TNNT2: variants seen among roughly 807,000 people sequenced by gnomAD.
The protein encoded by TNNT2 is troponin T2, cardiac type.
TNNT2 carries 34 observed loss-of-function variants against 62.4 expected under a neutral mutation model. That is an observed-to-expected ratio of 0.54 (90% CI 0.41 to 0.72). The LOEUF (loss-of-function observed/expected upper bound fraction) is 0.72. Ranked by LOEUF, TNNT2 falls within the 30% of genes least tolerant of loss-of-function variation. The pLI is 0.00. For synonymous variants in TNNT2, 123 were observed against 127.2 expected, an observed-to-expected ratio of 0.97 and a Z score of 0.22; for missense variants, 275 against 381.9, an observed-to-expected ratio of 0.72 and a Z score of 2.33.
rs765359025 is a variant in TNNT2 at position 201,365,199 on chromosome 1, C to G, written c.403G>C (p.Asp135His). The G allele has an allele frequency of 1.9e-6, 3 of 1,613,876 alleles. No individual in the cohort carries two copies. Among genetic ancestry groups the G allele is most frequent in the South Asian group, 1.1e-5 (1 of 91,076 alleles). ...KEEEELVSLK[D>H]RIERRRAERA... Reference sequence around the variant, plus strand: ...GCAGACTGGACACCTACGATCCTGTCTTTGAGAGAAACGAGCTCCTCCTCC... The same window carrying G: ...GCAGACTGGACACCTACGATCCTGTGTTTGAGAGAAACGAGCTCCTCCTCC... Residue 135 changes from aspartate to histidine, a missense_variant, in exon 10 of 17, where the codon GAC becomes CAC. By Grantham distance (81) the Asp-to-His change is moderately conservative. Transcript: ENST00000656932.
chr1:201,369,938 A>C (rs758432230), intron 4 of TNNT2, 93 bp from the exon 5 acceptor site: 492 of 1,434,836 alleles, frequency 3.4e-4, no homozygotes, highest in Non-Finnish European at 4.5e-4. Context: ...CACCCAGCGC[A>C]GTGGTTTTAA....
intron 8 of TNNT2, chr1:201,366,069 T>A: frequency 8.7e-7 from 1 of 1,148,546 alleles, no homozygotes; most frequent in Non-Finnish European, 1.1e-6. Context: ...GCCATGAACC[T>A]GGGAGTCTTG....
At chr1:201,359,690 A>G (rs759864879) in intron 15 of TNNT2, 27 bp from the exon 16 acceptor site, 3 of 1,575,872 alleles carry the variant, frequency 1.9e-6, no homozygotes, top group Non-Finnish European at 2.6e-6. Flanking sequence ...AAGGACAAAG[A>G]GCAACGCTGG....
At chr1:201,376,002 C>T (rs1291688401) in intron 1 of TNNT2, among the ~76,000 whole-genome samples, 1 of 152,234 alleles carries the variant, frequency 6.6e-6, no homozygotes, top group Non-Finnish European at 1.5e-5. Context: ...GGCTCAAAGG[C>T]AGGACCTGAT....
At chr1:201,363,795 G>T in intron 11 of TNNT2, 1 of 314,602 alleles carries the variant, frequency 3.2e-6, no homozygotes. Flanking sequence ...TCATAAGGAC[G>T]CAGGCATTTC....
Position 201,369,825 on chromosome 1 carries a change from C to T in TNNT2, c.88G>A (p.Asp30Asn), listed in dbSNP as rs1417651225. The T allele has an allele frequency of 3.7e-6, 6 of 1,614,114 alleles. No homozygotes were observed. The highest frequency in any genetic ancestry group is 5.1e-6 in the Non-Finnish European group (6 of 1,180,050). The change falls in exon 5 of 17, where the codon GAC becomes AAC. Residue 30 changes from aspartate to asparagine, a missense_variant. Coordinates refer to ENST00000656932, the MANE Select transcript of TNNT2 (RefSeq NM_001276345.2). ...GGAAAGGCTGTACTACCGTCTTCGT[C>T]CTCTCTCCAGTCCTCCTCTTCTGAG... The part of the protein sequence containing the change: ...AVEEEEDWRE[D>N]EDEQEEAAEE...
At chr1:201,374,123 T>C (rs1661049006) in intron 1 of TNNT2, 2 of 152,268 alleles carry the variant, frequency 1.3e-5, no homozygotes, top group South Asian at 2.1e-4. Flanking sequence ...AGATCATAGA[T>C]TGATTGTATT....
Position 201,368,186 on chromosome 1 carries a change from C to T in TNNT2, c.139G>A (p.Glu47Lys). The T allele has an allele frequency of 6.2e-7, 1 of 1,614,160 alleles. No individual in the cohort carries two copies. Among genetic ancestry groups the T allele is most frequent in the African/African-American group, 1.3e-5 (1 of 75,054 alleles). Residue 47 changes from glutamate (E) to lysine (K), a missense_variant, in exon 6 of 17, where the codon GAG (glutamate) becomes AAG (lysine). Physicochemically the swap from Glu to Lys is moderately conservative, Grantham distance 56. Coordinates refer to ENST00000656932, the MANE Select transcript of TNNT2 (RefSeq NM_001276345.2). ...AAEEDAEAEAETEETRAEEDE... is the reference protein window; with the variant it reads ...AAEEDAEAEAKTEETRAEEDE... Reference sequence around the variant, plus strand: ...CCTTCTGCCCTGGTCTCCTCGGTCTCAGCCTCTGCTTCAGCATCCTCTTCC... The same window carrying T: ...CCTTCTGCCCTGGTCTCCTCGGTCTTAGCCTCTGCTTCAGCATCCTCTTCC...
chr1:201,368,097 T>A (rs1350427209), intron 6 of TNNT2, 65 bp downstream of exon 6: 4 of 1,543,346 alleles, frequency 2.6e-6, no homozygotes, highest in Non-Finnish European at 2.7e-6. Flanking sequence ...TCTTACTGCC[T>A]CAGGAATGGC....
intron 5 of TNNT2, 174 bp from the exon 6 acceptor site, chr1:201,368,401 C>T (rs1022170015): frequency 2.8e-6 from 2 of 703,862 alleles, no homozygotes; most frequent in Non-Finnish European, 5.1e-6. Context: ...TTTTGACTGT[C>T]GGCTACCTCC....
intron 2 of TNNT2, 165 bp downstream of exon 2, chr1:201,373,049 G>A (rs532011586): frequency 1.6e-4 from 126 of 771,754 alleles, no homozygotes; most frequent in South Asian, 3.4e-4. Context: ...ACAACCCAGG[G>A]GTACAGGAGT....
intron 13 of TNNT2, 166 bp from the exon 14 acceptor site, chr1:201,362,188 A>AT: frequency 3.3e-6 from 4 of 1,203,366 alleles, no homozygotes; most frequent in Non-Finnish European, 2.4e-6. Flanking sequence ...TTCCCTAGGG[A>AT]AACTGAGGTA....
chr1:201,365,543 C>T, intron 9 of TNNT2, 67 bp downstream of exon 9: 1 of 1,558,208 alleles, frequency 6.4e-7, no homozygotes, highest in Non-Finnish European at 8.8e-7. Flanking sequence ...GTCACAAAAT[C>T]TCTGTCACTG....
intron 5 of TNNT2, chr1:201,368,499 C>T (rs1328456140): frequency 7.2e-6 from 4 of 553,666 alleles, no homozygotes; most frequent in African/African-American, 5.6e-5. Flanking sequence ...CCAGAAGTTC[C>T]ACCCCGTGTC....
chr1:201,377,040 G>A (rs1001073027), intron 1 of TNNT2, among the ~76,000 whole-genome samples: 4 of 152,192 alleles, frequency 2.6e-5, no homozygotes, highest in African/African-American at 9.7e-5. Context: ...CTGGAGAGGC[G>A]CTGCAGAGGA....
intron 4 of TNNT2, 29 bp from the exon 5 acceptor site, chr1:201,369,874 G>C: frequency 6.2e-7 from 1 of 1,614,108 alleles, no homozygotes; most frequent in African/African-American, 1.3e-5. Flanking sequence ...CCGCAGCGGA[G>C]GGGAAAAGCG....
chr1:201,359,816 G>A (rs1049410979), intron 15 of TNNT2, among the ~76,000 whole-genome samples, 153 bp from the exon 16 acceptor site: 1 of 152,132 alleles, frequency 6.6e-6, no homozygotes, highest in African/African-American at 2.4e-5. Context: ...ATAGTTAAGG[G>A]TCAGGAGGGG....
chr1:201,367,706 TCTC>T (rs914978199), intron 7 of TNNT2, 62 bp downstream of exon 7: 1 of 1,559,836 alleles, frequency 6.4e-7, no homozygotes, highest in Admixed American at 1.7e-5. Flanking sequence ...CTGTGGGCAT[TCTC>T]CTCCAAAGCT....
intron 13 of TNNT2, 30 bp downstream of exon 13, chr1:201,362,356 G>A: frequency 6.2e-7 from 1 of 1,613,450 alleles, no homozygotes; most frequent in Non-Finnish European, 8.5e-7. Context: ...ACTATGGGGA[G>A]GAAGAAGGCT....
Sources: gnomAD v4.1 joint callset for allele counts (sites outside exome capture counted in the v4.1 genomes callset) on GRCh38, gnomAD v4.1.1 for gene constraint, MANE v1.5 for transcripts, NCBI Gene and HGNC (gene_info 2026-07-23, HGNC 2026-07-21) for gene names.